PARD3B: variants seen among roughly 807,000 people sequenced by gnomAD.
PARD3B encodes partitioning defective 3 homolog B.
Under a neutral mutation model 130.2 loss-of-function variants are expected in PARD3B, and 103 were observed. The ratio of observed to expected loss-of-function variants is 0.79; its 90% confidence interval spans 0.67 to 0.93. The LOEUF (loss-of-function observed/expected upper bound fraction) is 0.93. Among genes scored for constraint, PARD3B ranks in the 40% least tolerant of loss-of-function variants. The pLI is 0.00. For missense variants in PARD3B, 1,609 were observed against 1,499.2 expected, an observed-to-expected ratio of 1.07 and a Z score of -1.21; for synonymous variants, 583 against 553.2, an observed-to-expected ratio of 1.05 and a Z score of -0.76.
chr2:205,058,250 C>A (rs1699855529), intron 4 of PARD3B, among the ~76,000 whole-genome samples: 1 of 151,876 alleles, frequency 6.6e-6, no homozygotes, highest in East Asian at 1.9e-4. Context: ...CATGTTGTAG[C>A]ATATGTCAGA....
At chr2:205,164,484 A>G (rs1455368978) in intron 11 of PARD3B, among the ~76,000 whole-genome samples, 1 of 152,072 alleles carries the variant, frequency 6.6e-6, no homozygotes, top group East Asian at 1.9e-4. Flanking sequence ...AAAAAATCCC[A>G]TAATTCCAGC....
At chr2:205,213,105 C>CA (rs2037732240) in intron 15 of PARD3B, among the ~76,000 whole-genome samples, 2 of 152,094 alleles carry the variant, frequency 1.3e-5, no homozygotes, top group Admixed American at 1.3e-4. Flanking sequence ...TAAGGCTTGT[C>CA]AGTTTCCCAG....
intron 2 of PARD3B, among the ~76,000 whole-genome samples, chr2:204,804,989 C>G (rs1575027846): frequency 6.6e-6 from 1 of 151,606 alleles, no homozygotes; most frequent in East Asian, 1.9e-4. Context: ...AGAGAAAAGT[C>G]TACAGCCATC....
At chr2:205,615,295 C>T (rs2055385213) in intron 22 of PARD3B, among the ~76,000 whole-genome samples, 161 bp from the exon 23 acceptor site, 1 of 151,974 alleles carries the variant, frequency 6.6e-6, no homozygotes, top group Non-Finnish European at 1.5e-5. Flanking sequence ...GAAGAAGTTC[C>T]CTTCTCTTCT....
intron 1 of PARD3B, among the ~76,000 whole-genome samples, chr2:204,616,119 A>T (rs969680379): frequency 6.6e-6 from 1 of 152,174 alleles, no homozygotes; most frequent in South Asian, 2.1e-4. Context: ...ATAATTGATT[A>T]CCTGGATTTT....
At chr2:205,008,161 G>A (rs1263138653) in intron 3 of PARD3B, among the ~76,000 whole-genome samples, 2 of 151,978 alleles carry the variant, frequency 1.3e-5, no homozygotes, top group Non-Finnish European at 2.9e-5. Context: ...TCCACATTTG[G>A]TGCATATCAT....
At chr2:204,856,819 G>T (rs2044963114) in intron 2 of PARD3B, among the ~76,000 whole-genome samples, 1 of 152,052 alleles carries the variant, frequency 6.6e-6, no homozygotes, top group Non-Finnish European at 1.5e-5. Context: ...TGGCACCTGT[G>T]TGTCATAATT....
At chr2:204,558,786 A>G (rs1232642841) in intron 1 of PARD3B, among the ~76,000 whole-genome samples, 4 of 152,222 alleles carry the variant, frequency 2.6e-5, no homozygotes, top group African/African-American at 7.2e-5. Context: ...ACCTGACTTC[A>G]AACTATACTA....
At chr2:205,175,935 C>A (rs1031355421) in intron 12 of PARD3B, among the ~76,000 whole-genome samples, 2 of 152,160 alleles carry the variant, frequency 1.3e-5, no homozygotes, top group African/African-American at 4.8e-5. Context: ...TCTGGCGTCA[C>A]AGCGGTTTGA....
chr2:204,565,889 C>G (rs1277933804), intron 1 of PARD3B, among the ~76,000 whole-genome samples: 2 of 152,298 alleles, frequency 1.3e-5, no homozygotes, highest in Middle Eastern at 3.4e-3. Flanking sequence ...CGGCAGAATG[C>G]TTTATGTGTA....
Position 204,546,490 on chromosome 2 carries a change from A to G in PARD3B, c.120+371A>G, listed in dbSNP as rs116250823. Among the ~76,000 whole-genome samples the G allele has an allele frequency of 3.8e-3, 585 of 152,288 alleles. 4 individuals carry two copies. The highest frequency in any genetic ancestry group is 0.01 in the Middle Eastern group (3 of 294). ...GAACTTGTTTGAGGGAACGTCTTAAAAGGTGCTGCTCACCTAAGTGTGATT... is the reference window on the plus strand; with the variant it reads ...GAACTTGTTTGAGGGAACGTCTTAAGAGGTGCTGCTCACCTAAGTGTGATT... On this transcript the variant is annotated intron_variant, in intron 1 of 22. Transcript: ENST00000406610.
intron 1 of PARD3B, among the ~76,000 whole-genome samples, chr2:204,619,783 T>C (rs1261391861): frequency 6.6e-6 from 1 of 152,142 alleles, no homozygotes. Context: ...CAGAGTGTAA[T>C]TGTTTAGAAA....
At chr2:204,809,863 T>C (rs10432520) in intron 2 of PARD3B, among the ~76,000 whole-genome samples, 35,263 of 152,034 alleles carry the variant, frequency 0.23, 6,429 homozygotes, top group African/African-American at 0.5. Context: ...ATTGATTCTT[T>C]CTATCCATGA....
chr2:205,599,866 T>C (rs1300913697), intron 22 of PARD3B, among the ~76,000 whole-genome samples: 3 of 152,194 alleles, frequency 2.0e-5, no homozygotes, highest in Non-Finnish European at 4.4e-5. Context: ...TTTACCTACA[T>C]GGTAACTTTA....
At position 205,378,672 on chromosome 2, in the gene PARD3B, G is replaced by A. The variant is rs142581257; in HGVS notation, c.2631-22341G>A. 6.3e-3 allele frequency among the ~76,000 whole-genome samples: 921 copies of A among 145,300 alleles called. 13 individuals carry two copies. The highest frequency in any genetic ancestry group is 0.035 in the South Asian group (161 of 4,656). The stretch of plus-strand genomic sequence containing the variant: ...TTTTGAGACAGAGTTTCACTCAGTC[G>A]TCAGGCTGGAGTGCAATGGCACGAT... On this transcript the variant is annotated intron_variant, in intron 18 of 22. Coordinates refer to ENST00000406610, the MANE Select transcript of PARD3B (RefSeq NM_001302769.2).
At chr2:205,327,750 T>C (rs2042984972) in intron 18 of PARD3B, among the ~76,000 whole-genome samples, 2 of 152,198 alleles carry the variant, frequency 1.3e-5, no homozygotes. Context: ...AGAATTGTGG[T>C]GAGAATTAAA....
At chr2:205,139,209 G>C (rs6757073) in intron 10 of PARD3B, among the ~76,000 whole-genome samples, 4,679 of 151,786 alleles carry the variant, frequency 0.031, 231 homozygotes, top group African/African-American at 0.11. Flanking sequence ...AAGGCTCAAC[G>C]TGCAGGCACC....
rs1012385303 is a variant in PARD3B, at chr2:205,492,131, A to C, written c.3045-7765A>C. ...AAAGTTTTATGTTAGTGTAGAGCAT[A>C]GTTTTTCATCAGATTCTGCTGCCGT... On this transcript the variant is annotated intron_variant, in intron 20 of 22. Transcript: ENST00000406610. 6.6e-5 allele frequency among the ~76,000 whole-genome samples: 10 copies of C among 152,240 alleles called. No homozygotes were observed. The East Asian group carries it at 1.7e-3, about 27-fold the overall frequency.
intron 20 of PARD3B, among the ~76,000 whole-genome samples, chr2:205,477,604 AAAAT>A (rs1442884993): frequency 6.8e-6 from 1 of 146,670 alleles, no homozygotes; most frequent in Non-Finnish European, 1.5e-5. Context: ...GTTAAAAAAA[AAAAT>A]AAGCACATGA....
Sources: allele counts gnomAD v4.1 joint callset (sites outside exome capture counted in the v4.1 genomes callset), GRCh38; gene constraint gnomAD v4.1.1; transcripts MANE v1.5; gene names NCBI Gene and HGNC (gene_info 2026-07-23, HGNC 2026-07-21).